The following SSH2 variants were observed in gnomAD, a reference collection of about 807,000 sequenced individuals.
The protein encoded by SSH2 is protein phosphatase Slingshot homolog 2.
In SSH2, 37 loss-of-function variants were observed where a neutral mutation model predicts 135.2. The ratio of observed to expected loss-of-function variants is 0.27; its 90% CI spans 0.21 to 0.36. The LOEUF (loss-of-function observed/expected upper bound fraction) is 0.36, where lower values mean the gene tolerates loss of function less well. Among genes scored for constraint, SSH2 ranks in the 10% least tolerant of loss-of-function variants. The pLI, the probability that SSH2 is intolerant of heterozygous loss-of-function variation, is 1.00. For synonymous variants in SSH2, 628 were observed against 646.2 expected, an observed-to-expected ratio of 0.97 and a Z score of 0.43; for missense variants, 1,408 against 1,765.3, an observed-to-expected ratio of 0.80 and a Z score of 3.63.
intron 1 of SSH2, among the ~76,000 whole-genome samples, chr17:29,920,279 A>C (rs2066953295): frequency 6.6e-6 from 1 of 152,232 alleles, no homozygotes; most frequent in Non-Finnish European, 1.5e-5. Flanking sequence ...ATAATCTAGA[A>C]ACTGCTCCCT....
At chr17:29,770,735 A>T (rs2041565280) in intron 3 of SSH2, among the ~76,000 whole-genome samples, 1 of 152,140 alleles carries the variant, frequency 6.6e-6, no homozygotes, top group African/African-American at 2.4e-5. Flanking sequence ...GGCCTCCTAA[A>T]GTGCTGGGAT....
intron 5 of SSH2, among the ~76,000 whole-genome samples, chr17:29,694,588 G>A (rs888621355): frequency 1.3e-5 from 2 of 152,150 alleles, no homozygotes; most frequent in African/African-American, 2.4e-5. Flanking sequence ...AGAATCGATC[G>A]AACCTGGGAG....
At chr17:29,897,965 T>C (rs1296935687) in intron 1 of SSH2, among the ~76,000 whole-genome samples, 1 of 152,086 alleles carries the variant, frequency 6.6e-6, no homozygotes, top group Non-Finnish European at 1.5e-5. Flanking sequence ...GAACTCGGGA[T>C]CAAGAAACTC....
At chr17:29,686,038 G>C (rs1301410466) in intron 5 of SSH2, among the ~76,000 whole-genome samples, 3 of 151,680 alleles carry the variant, frequency 2.0e-5, no homozygotes, top group African/African-American at 7.3e-5. Context: ...ATTAGAGACG[G>C]GGTTTCTCCA....
At chr17:29,771,201 G>T (rs2127001) in intron 3 of SSH2, among the ~76,000 whole-genome samples, 67,426 of 151,928 alleles carry the variant, frequency 0.44, 15,319 homozygotes, top group Non-Finnish European at 0.49. Context: ...CTATTTTGTG[G>T]CACATAATGC....
intron 2 of SSH2, among the ~76,000 whole-genome samples, chr17:29,833,504 A>G (rs2042883820): frequency 6.6e-6 from 1 of 152,152 alleles, no homozygotes; most frequent in South Asian, 2.1e-4. Context: ...CTTATAGGCA[A>G]CAGATCATTA....
chr17:29,716,421 ACATT>A, intron 3 of SSH2: 1 of 631,476 alleles, frequency 1.6e-6, no homozygotes, highest in Non-Finnish European at 2.9e-6. Context: ...CTCAATACAC[ACATT>A]AATTCTCTTG....
intron 11 of SSH2, among the ~76,000 whole-genome samples, chr17:29,657,997 C>T (rs1000840848): frequency 6.6e-6 from 1 of 150,920 alleles, no homozygotes; most frequent in Non-Finnish European, 1.5e-5. Context: ...GAATTCCCCA[C>T]AATCTGTATT....
chr17:29,673,807 A>C (rs2037595246), intron 8 of SSH2: 1 of 306,930 alleles, frequency 3.3e-6, no homozygotes, highest in African/African-American at 2.2e-5. Flanking sequence ...CTTTTGCTTT[A>C]CAGCCTATCA....
intron 1 of SSH2, among the ~76,000 whole-genome samples, chr17:29,849,856 G>GTA (rs59297985): frequency 0.065 from 7,618 of 117,900 alleles, 373 homozygotes; most frequent in East Asian, 0.12. Context: ...AAAAAAAAAA[G>GTA]TATATATATA....
At chr17:29,865,989 G>C (rs2065847353) in intron 1 of SSH2, 1 of 152,160 alleles carries the variant, frequency 6.6e-6, no homozygotes, top group African/African-American at 2.4e-5. Context: ...TGCAGTCCCA[G>C]CTACTCAGGA....
intron 2 of SSH2, among the ~76,000 whole-genome samples, chr17:29,843,535 T>C (rs898306155): frequency 1.3e-5 from 2 of 150,456 alleles, no homozygotes; most frequent in African/African-American, 4.9e-5. Flanking sequence ...CCAGCCTGGG[T>C]GACAGAGGGA....
chr17:29,818,249 C>CTTT (rs1230051948), intron 2 of SSH2, among the ~76,000 whole-genome samples: 1 of 134,034 alleles, frequency 7.5e-6, no homozygotes, highest in South Asian at 2.4e-4. Flanking sequence ...GGTATTCTTC[C>CTTT]TTTTTTTTTT....
intron 3 of SSH2, among the ~76,000 whole-genome samples, chr17:29,719,682 TGA>T (rs920470187): frequency 6.8e-4 from 104 of 152,342 alleles, no homozygotes; most frequent in African/African-American, 2.3e-3. Flanking sequence ...ACAAAGGTTT[TGA>T]GAGTAACTTG....
intron 9 of SSH2, among the ~76,000 whole-genome samples, chr17:29,668,667 G>A (rs1480815837): frequency 1.3e-5 from 2 of 152,064 alleles, no homozygotes; most frequent in African/African-American, 2.4e-5. Flanking sequence ...AGCCCCAGAG[G>A]TGGAGGCTGC....
rs192714314 is a variant in SSH2 at position 29,873,250 on chromosome 17, G to A, written c.64-24321C>T. Among the ~76,000 whole-genome samples the A allele has an allele frequency of 9.9e-4, 150 of 152,080 alleles. 2 individuals carry two copies. In the Middle Eastern group the frequency reaches 0.01, roughly 10 times the overall value. ...TTTTAAAACAAAAAATCTTTAAGAT[G>A]TACATCTAGCTCAAAAATCTCCAAA... is the stretch of plus-strand genomic sequence containing the variant. On this transcript the variant is annotated intron_variant, in intron 1 of 15. Transcript: ENST00000540801.
chr17:29,667,462 C>T (rs554691146), intron 9 of SSH2, among the ~76,000 whole-genome samples: 7 of 152,254 alleles, frequency 4.6e-5, no homozygotes, highest in Admixed American at 1.3e-4. Context: ...GCCTGAACTC[C>T]GCCTCCTGTC....
intron 11 of SSH2, among the ~76,000 whole-genome samples, chr17:29,657,241 A>G (rs940284321): frequency 6.6e-6 from 1 of 151,946 alleles, no homozygotes; most frequent in Non-Finnish European, 1.5e-5. Flanking sequence ...TGCGGGGATT[A>G]CAGGCGTGAG....
intron 1 of SSH2, among the ~76,000 whole-genome samples, chr17:29,870,911 A>AC (rs2151421016): frequency 6.6e-6 from 1 of 152,304 alleles, no homozygotes; most frequent in South Asian, 2.1e-4. Context: ...AAGTCTGCAC[A>AC]CCCCAAAGGT....
Sources: allele counts gnomAD v4.1 joint callset (sites outside exome capture counted in the v4.1 genomes callset), GRCh38; gene constraint gnomAD v4.1.1; transcripts MANE v1.5; gene names NCBI Gene and HGNC (gene_info 2026-07-23, HGNC 2026-07-21).